The following LHFPL3 variants were observed in gnomAD, a reference collection of about 807,000 sequenced individuals.
The protein encoded by LHFPL3 is LHFPL tetraspan subfamily member 3.
LHFPL3 carries 5 observed loss-of-function variants against 19.3 expected under a neutral mutation model. The ratio of observed to expected loss-of-function variants is 0.26; its 90% CI spans 0.14 to 0.54. The LOEUF is 0.54. Among genes scored for constraint, LHFPL3 ranks in the 20% least tolerant of loss-of-function variants. The probability of loss-of-function intolerance (pLI) is 0.94; values close to 1 mark genes in which losing one functional copy is unlikely to be tolerated. For synonymous variants in LHFPL3, 133 were observed against 126.2 expected (o/e 1.05, Z -0.36); for missense variants, 249 against 307.4 (o/e 0.81, Z 1.42).
chr7:104,486,145 A>T (rs1793232617), intron 1 of LHFPL3, among the ~76,000 whole-genome samples: 2 of 152,196 alleles, frequency 1.3e-5, no homozygotes, highest in Admixed American at 1.3e-4. Context: ...TACTGCTTTT[A>T]AGCTAACTTT....
chr7:104,707,776 C>G (rs1793219772), intron 1 of LHFPL3, among the ~76,000 whole-genome samples: 2 of 152,122 alleles, frequency 1.3e-5, no homozygotes, highest in Non-Finnish European at 2.9e-5. Context: ...TGTAAAGAAC[C>G]ATTACGATTC....
chr7:104,419,498 A>T (rs1256237384), intron 1 of LHFPL3, among the ~76,000 whole-genome samples: 2 of 152,356 alleles, frequency 1.3e-5, no homozygotes, highest in African/African-American at 2.4e-5. Flanking sequence ...AAGGAAATGA[A>T]AGGGAAAAAT....
chr7:104,675,350 G>A lies in LHFPL3; in HGVS notation c.446-61325G>A, dbSNP rs566217727. 2.8e-4 allele frequency among the ~76,000 whole-genome samples: 43 copies of A among 152,364 alleles called. No individual in the cohort carries two copies. The South Asian group carries it at 7.7e-3, about 27-fold the overall frequency. On this transcript the variant is annotated intron_variant, in intron 1 of 2. Coordinates refer to ENST00000424859, the MANE Select transcript of LHFPL3 (RefSeq NM_199000.3). ...GGGGAGAGTAGTGGCAGTGAGGTCA[G>A]AAAAGCAGCAGGTGGGAGCAGCTCA...
At chr7:104,719,883 T>G (rs899189198) in intron 1 of LHFPL3, among the ~76,000 whole-genome samples, 3 of 152,196 alleles carry the variant, frequency 2.0e-5, no homozygotes, top group African/African-American at 7.2e-5. Context: ...TATTTGACAT[T>G]TGTATGCCTC....
chr7:104,670,763 C>G (rs1002030864), intron 1 of LHFPL3, among the ~76,000 whole-genome samples: 20 of 152,200 alleles, frequency 1.3e-4, no homozygotes, highest in African/African-American at 4.3e-4. Flanking sequence ...GCCTTTCTTA[C>G]AACCTTGATG....
chr7:104,779,638 G>C (rs1018643738), intron 2 of LHFPL3, among the ~76,000 whole-genome samples: 4 of 152,200 alleles, frequency 2.6e-5, no homozygotes, highest in Admixed American at 6.5e-5. Flanking sequence ...CTCTGCACAA[G>C]GTTGTGGGAG....
intron 2 of LHFPL3, among the ~76,000 whole-genome samples, chr7:104,761,298 A>C (rs1794367812): frequency 1.3e-5 from 2 of 152,160 alleles, no homozygotes; most frequent in South Asian, 4.1e-4. Context: ...GTTTTTTTAC[A>C]TTTTTACAAA....
chr7:104,735,553 A>T (rs911127651), intron 1 of LHFPL3, among the ~76,000 whole-genome samples: 1 of 152,220 alleles, frequency 6.6e-6, no homozygotes, highest in Non-Finnish European at 1.5e-5. Flanking sequence ...GCTGTTTGCT[A>T]TGACCACTGG....
intron 1 of LHFPL3, among the ~76,000 whole-genome samples, chr7:104,342,302 A>C (rs1160037408): frequency 6.6e-6 from 1 of 152,142 alleles, no homozygotes; most frequent in Non-Finnish European, 1.5e-5. Flanking sequence ...TTGTTTTGAA[A>C]ATTTAAAAAG....
chr7:104,659,966 T>C (rs1305124009), intron 1 of LHFPL3, among the ~76,000 whole-genome samples: 1 of 151,646 alleles, frequency 6.6e-6, no homozygotes, highest in Non-Finnish European at 1.5e-5. Context: ...TCTTTCAAAT[T>C]GATGCCTTCC....
chr7:104,523,876 G>A (rs1326062380), intron 1 of LHFPL3, among the ~76,000 whole-genome samples: 1 of 152,108 alleles, frequency 6.6e-6, no homozygotes, highest in East Asian at 1.9e-4. Flanking sequence ...AAAATACTCA[G>A]ATTCATGGTG....
intron 2 of LHFPL3, among the ~76,000 whole-genome samples, chr7:104,822,868 C>A (rs1790703055): frequency 6.6e-6 from 1 of 152,052 alleles, no homozygotes; most frequent in Non-Finnish European, 1.5e-5. Flanking sequence ...GGGCTGGTAC[C>A]AAAAGATTGC....
chr7:104,427,930 T>A (rs1475480246), intron 1 of LHFPL3, among the ~76,000 whole-genome samples: 1 of 152,246 alleles, frequency 6.6e-6, no homozygotes, highest in Non-Finnish European at 1.5e-5. Context: ...CAGTCCCAAA[T>A]GCTTCTTCAA....
intron 1 of LHFPL3, among the ~76,000 whole-genome samples, chr7:104,570,478 G>A (rs907231854): frequency 1.3e-5 from 2 of 152,164 alleles, no homozygotes; most frequent in African/African-American, 4.8e-5. Context: ...ACTTAGACTT[G>A]ATGGCATGAT....
intron 1 of LHFPL3, among the ~76,000 whole-genome samples, chr7:104,410,215 C>T (rs1410412437): frequency 9.9e-5 from 15 of 152,264 alleles, no homozygotes; most frequent in African/African-American, 3.6e-4. Context: ...TCACTGCAAC[C>T]TCCACCTCCC....
chr7:104,587,247 C>T (rs963632954), intron 1 of LHFPL3, among the ~76,000 whole-genome samples: 9 of 152,150 alleles, frequency 5.9e-5, no homozygotes, highest in African/African-American at 2.2e-4. Flanking sequence ...TTAGGTGTAT[C>T]TCCTAATGCT....
chr7:104,646,821 C>G (rs904989927), intron 1 of LHFPL3, among the ~76,000 whole-genome samples: 6 of 152,076 alleles, frequency 3.9e-5, no homozygotes, highest in African/African-American at 1.2e-4. Flanking sequence ...TTGATTTATT[C>G]AGTATTTAGC....
rs541727185 is a variant in LHFPL3 at position 104,641,349 on chromosome 7, G to A, written c.446-95326G>A. Among the ~76,000 whole-genome samples, 19 of 152,262 alleles carry A rather than the reference G, an allele frequency of 1.2e-4. No homozygotes were observed. The South Asian group carries it at 1.7e-3, about 13-fold the overall frequency. On this transcript the variant is annotated intron_variant, in intron 1 of 2. Coordinates refer to ENST00000424859, the MANE Select transcript of LHFPL3 (RefSeq NM_199000.3). ...TCACTTAAACGAGACCAGTCTGCTC[G>A]CTCCCTTGCTTAATGCACTGTGGAG... is the stretch of plus-strand genomic sequence containing the variant.
chr7:104,697,585 A>G (rs557019555), intron 1 of LHFPL3, among the ~76,000 whole-genome samples: 16 of 152,362 alleles, frequency 1.1e-4, no homozygotes, highest in African/African-American at 1.9e-4. Flanking sequence ...GTCAAAGAAT[A>G]TAAGTATAAT....
Sources: gnomAD v4.1 joint callset for allele counts (sites outside exome capture counted in the v4.1 genomes callset) on GRCh38, gnomAD v4.1.1 for gene constraint, MANE v1.5 for transcripts, NCBI Gene and HGNC (gene_info 2026-07-23, HGNC 2026-07-21) for gene names.